PLEKHH1: variants seen among roughly 807,000 people sequenced by gnomAD.
PLEKHH1 encodes pleckstrin homology, MyTH4 and FERM domain containing H1, also known as pleckstrin homology domain-containing family H member 1.
Under a neutral mutation model 160.0 loss-of-function variants are expected in PLEKHH1, and 104 were observed. The observed-to-expected ratio is 0.65, with a 90% CI of 0.55 to 0.76. PLEKHH1 has a LOEUF of 0.76. PLEKHH1 is among the 30% of genes least tolerant of loss of function. The probability of loss-of-function intolerance (pLI) is 0.00; values close to 1 mark genes in which losing one functional copy is unlikely to be tolerated. For missense variants in PLEKHH1, 1,427 were observed against 1,724.1 expected (o/e 0.83, Z 3.05); for synonymous variants, 619 against 678.4 (o/e 0.91, Z 1.36).
chr14:67,564,745 A>G (rs2035009883), intron 7 of PLEKHH1, among the ~76,000 whole-genome samples: 1 of 147,030 alleles, frequency 6.8e-6, no homozygotes, highest in Non-Finnish European at 1.5e-5. Flanking sequence ...CTGGAGTGCA[A>G]TGGTGCAATC....
intron 2 of PLEKHH1, among the ~76,000 whole-genome samples, chr14:67,552,357 T>C: frequency 6.6e-6 from 1 of 152,174 alleles, no homozygotes; most frequent in Non-Finnish European, 1.5e-5. Context: ...TCTGCCCTCG[T>C]GAAAAGTGTT....
chr14:67,570,293 T>C, intron 9 of PLEKHH1: 1 of 975,060 alleles, frequency 1.0e-6, no homozygotes, highest in African/African-American at 1.7e-5. Flanking sequence ...TCTGCCTCAC[T>C]CCTCAGGTCC....
At position 67,587,436 on chromosome 14, in the gene PLEKHH1, C is replaced by T; in HGVS notation, c.*201C>T. 1.6e-6 allele frequency: 1 copy of T among 621,902 alleles called. No individual in the cohort carries two copies. The highest frequency in any genetic ancestry group is 2.8e-6 in the Non-Finnish European group (1 of 353,642). The allele number at this position is 621,902 out of a possible 1,614,324, so 38.5% of individuals were successfully genotyped here. On this transcript the variant is annotated 3_prime_UTR_variant, in exon 29 of 29. Transcript: ENST00000329153. ...GGGCTCAACTTTTTAAAATCCAGAC[C>T]CAGTGTTAAAACCATTTATTCCTTT...
chr14:67,537,055 A>G (rs1439922269), intron 1 of PLEKHH1, among the ~76,000 whole-genome samples: 6 of 147,426 alleles, frequency 4.1e-5, no homozygotes, highest in Admixed American at 6.8e-5. Context: ...TAATAATAAT[A>G]AAATAAAAAC....
At chr14:67,540,253 C>G (rs2033910071) in intron 1 of PLEKHH1, among the ~76,000 whole-genome samples, 1 of 152,166 alleles carries the variant, frequency 6.6e-6, no homozygotes, top group Non-Finnish European at 1.5e-5. Context: ...TACCTCTTAC[C>G]TTGAAGTATT....
chr14:67,573,464 AG>A lies in PLEKHH1; in HGVS notation c.1839+83del. 1 of 990,900 alleles carries A rather than the reference AG, an allele frequency of 1.0e-6. No homozygotes were observed. Among genetic ancestry groups the A allele is most frequent in the Non-Finnish European group, 1.6e-6 (1 of 636,798 alleles). The allele number at this position is 990,900 out of a possible 1,614,324, so 61.4% of individuals were successfully genotyped here. A position where few individuals can be genotyped will look rare whatever the true frequency, so the allele number is the denominator to read the frequency against. On this transcript the variant is annotated intron_variant, in intron 12 of 28. Transcript: ENST00000329153. This position sits in a 1 kb window ranked among gnomAD's most constrained non-coding sequence, Gnocchi z 4.8. The stretch of plus-strand genomic sequence containing the variant: ...TGGACTATGTCAGATGGGACGGAGG[AG>A]GGGGAATGTGGCCCAAGGCCAGAGG...
chr14:67,541,335 TC>T (rs1472243085), intron 1 of PLEKHH1, among the ~76,000 whole-genome samples: 6 of 152,360 alleles, frequency 3.9e-5, no homozygotes, highest in African/African-American at 1.4e-4. Flanking sequence ...CTCCCACTTT[TC>T]CCAGCTCCCA....
chr14:67,568,195 C>T (rs1361648410), intron 7 of PLEKHH1, among the ~76,000 whole-genome samples: 3 of 152,134 alleles, frequency 2.0e-5, no homozygotes, highest in Non-Finnish European at 4.4e-5. Context: ...GGAATCAACC[C>T]AATGCCCATC....
chr14:67,575,469 C>T lies in PLEKHH1; in HGVS notation c.2166C>T (p.Asp722=), dbSNP rs768872305. Residue 722 remains aspartate, a synonymous_variant, in exon 15 of 29, where the codon GAC becomes GAT. Transcript: ENST00000329153. ...TCTACTACTATCGGAGCCATGAGGA[C>T]AAGGTACTTCTCAGCCTCCTCACAA... ...KIFYYYRSHE[D]KRPLGCLPVR... is the part of the protein sequence containing the mutation. 6.3e-7 allele frequency: 1 copy of T among 1,592,368 alleles called. No homozygotes were observed. Among genetic ancestry groups the T allele is most frequent in the East Asian group, 2.2e-5 (1 of 44,522 alleles).
chr14:67,561,376 C>A (rs1248081323), intron 5 of PLEKHH1, among the ~76,000 whole-genome samples: 2 of 152,184 alleles, frequency 1.3e-5, no homozygotes, highest in Non-Finnish European at 2.9e-5. Context: ...CATGGCAAAT[C>A]TCTGTCTCTA....
intron 8 of PLEKHH1, 149 bp from the exon 9 acceptor site, chr14:67,569,772 G>T: frequency 1.6e-6 from 1 of 643,286 alleles, no homozygotes; most frequent in Non-Finnish European, 2.8e-6. Context: ...GAGTCAAGGG[G>T]AGAAGATGAA....
At chr14:67,586,296 C>T in intron 28 of PLEKHH1, 199 bp downstream of exon 28, 3 of 1,137,272 alleles carry the variant, frequency 2.6e-6, no homozygotes, top group Admixed American at 1.9e-5. Context: ...GGTAAAGGGA[C>T]ATATTTGGAG....
chr14:67,545,856 ATTG>A (rs992792835), intron 2 of PLEKHH1, among the ~76,000 whole-genome samples: 44 of 152,282 alleles, frequency 2.9e-4, no homozygotes, highest in Admixed American at 2.7e-3. Context: ...GACAGTACTA[ATTG>A]TTGTTTCTCA....
At chr14:67,561,697 G>C (rs113122352) in intron 5 of PLEKHH1, among the ~76,000 whole-genome samples, 5 of 151,750 alleles carry the variant, frequency 3.3e-5, no homozygotes, top group African/African-American at 1.2e-4. Context: ...GCGAGAGCTT[G>C]TCTCTACAAA....
At chr14:67,570,095 A>AG (rs1219457003) in intron 9 of PLEKHH1, 83 bp downstream of exon 9, 1 of 979,298 alleles carries the variant, frequency 1.0e-6, no homozygotes, top group Admixed American at 2.0e-5. Context: ...GCGGGGCTCT[A>AG]GGGCCAGGCT....
chr14:67,575,607 C>A, intron 15 of PLEKHH1, 135 bp downstream of exon 15: 1 of 745,718 alleles, frequency 1.3e-6, no homozygotes, highest in Non-Finnish European at 2.4e-6. Context: ...TGGATCCCTC[C>A]AGAGTGTGAG....
chr14:67,580,611 G>C (rs187371911), intron 22 of PLEKHH1, among the ~76,000 whole-genome samples: 27 of 152,346 alleles, frequency 1.8e-4, no homozygotes, highest in Non-Finnish European at 3.1e-4. Flanking sequence ...TGTTGAAGAG[G>C]AGAATAGCAG....
intron 4 of PLEKHH1, 85 bp from the exon 5 acceptor site, chr14:67,559,523 T>G: frequency 1.2e-6 from 1 of 864,106 alleles, no homozygotes; most frequent in Non-Finnish European, 1.9e-6. Context: ...CACGCACACT[T>G]GGCCTTTCTT....
rs2034312886 is a variant in PLEKHH1 at position 67,549,541 on chromosome 14, G to A, written c.127-6284G>A. Among the ~76,000 whole-genome samples, 3 of 152,154 alleles carry A rather than the reference G, an allele frequency of 2.0e-5. No homozygotes were observed. The South Asian group carries it at 6.2e-4, about 32-fold the overall frequency. On this transcript the variant is annotated intron_variant, in intron 2 of 28. Coordinates refer to ENST00000329153, the MANE Select transcript of PLEKHH1 (RefSeq NM_020715.3). Reference sequence around the variant, plus strand: ...CTGCCTCGGCCTCCCAAAGTGCTGGGATTACAGGTGTGAGCCACTGCTCCC... The same window carrying A: ...CTGCCTCGGCCTCCCAAAGTGCTGGAATTACAGGTGTGAGCCACTGCTCCC...
Sources: gnomAD v4.1 joint callset for allele counts (sites outside exome capture counted in the v4.1 genomes callset) on GRCh38, gnomAD v4.1.1 for gene constraint, Gnocchi (gnomAD v3.1) non-coding constraint, MANE v1.5 for transcripts, NCBI Gene and HGNC (gene_info 2026-07-23, HGNC 2026-07-21) for gene names.